Variants in ANKIB1 observed in about 807,000 individuals in gnomAD.
The protein encoded by ANKIB1 is ankyrin repeat and IBR domain containing 1, also known as ankyrin repeat and IBR domain-containing protein 1.
In ANKIB1, 43 loss-of-function variants were observed where a neutral mutation model predicts 122.1. The ratio of observed to expected loss-of-function variants is 0.35; its 90% confidence interval spans 0.28 to 0.45. The LOEUF (loss-of-function observed/expected upper bound fraction) is 0.45, where lower values mean the gene tolerates loss of function less well. Among genes scored for constraint, ANKIB1 ranks in the 20% least tolerant of loss-of-function variants. The probability of loss-of-function intolerance (pLI) is 1.00; values close to 1 mark genes in which losing one functional copy is unlikely to be tolerated. For synonymous variants in ANKIB1, 390 were observed against 442.0 expected (o/e 0.88, Z 1.48); for missense variants, 992 against 1,329.5 (o/e 0.75, Z 3.95).
intron 17 of ANKIB1, 124 bp from the exon 18 acceptor site, chr7:92,396,241 G>A: frequency 1.5e-6 from 1 of 648,622 alleles, no homozygotes; most frequent in Non-Finnish European, 2.7e-6. Context: ...TTTCAGCCAA[G>A]TGATTTTATA....
chr7:92,300,729 T>C (rs915872468), intron 2 of ANKIB1, among the ~76,000 whole-genome samples: 7 of 152,264 alleles, frequency 4.6e-5, no homozygotes, highest in East Asian at 1.9e-4. Context: ...ATTATACTTT[T>C]GTAGCAAATT....
chr7:92,346,394 G>A (rs1056568576), intron 7 of ANKIB1, among the ~76,000 whole-genome samples: 1 of 152,144 alleles, frequency 6.6e-6, no homozygotes, highest in Non-Finnish European at 1.5e-5. Context: ...GTCCCCCAAC[G>A]TGTCTGGTTT....
intron 1 of ANKIB1, among the ~76,000 whole-genome samples, chr7:92,249,701 C>G (rs772122242): frequency 1.3e-5 from 2 of 151,346 alleles, no homozygotes; most frequent in African/African-American, 2.4e-5. Flanking sequence ...GCCTGGGTGA[C>G]AGGGTGAGAC....
At chr7:92,355,255 C>CT (rs917080156) in intron 9 of ANKIB1, among the ~76,000 whole-genome samples, 4 of 121,640 alleles carry the variant, frequency 3.3e-5, no homozygotes, top group East Asian at 4.7e-4. Context: ...GACTTTTCCT[C>CT]TTTTTTTTTC....
At chr7:92,349,806 T>C (rs142476650) in intron 7 of ANKIB1, among the ~76,000 whole-genome samples, 1 of 152,262 alleles carries the variant, frequency 6.6e-6, no homozygotes, top group East Asian at 1.9e-4. Context: ...AAACTGAGGC[T>C]TAGAGCAGTT....
chr7:92,330,497 T>TC (rs1803146751), intron 5 of ANKIB1, among the ~76,000 whole-genome samples: 2 of 152,118 alleles, frequency 1.3e-5, no homozygotes, highest in African/African-American at 4.8e-5. Context: ...AGAAAAAAAT[T>TC]TAGACCTGAG....
chr7:92,350,688 C>G (rs550483100), intron 7 of ANKIB1, among the ~76,000 whole-genome samples: 3 of 152,174 alleles, frequency 2.0e-5, no homozygotes, highest in African/African-American at 7.2e-5. Flanking sequence ...CAAGACCCAT[C>G]GCTAGCAAAA....
intron 3 of ANKIB1, among the ~76,000 whole-genome samples, chr7:92,316,054 AAG>A (rs1239738782): frequency 1.3e-5 from 2 of 152,178 alleles, no homozygotes; most frequent in Admixed American, 6.5e-5. Flanking sequence ...TGTGAAGGGA[AAG>A]AAAGGCAGAA....
chr7:92,285,111 A>G (rs1257438396), intron 1 of ANKIB1, among the ~76,000 whole-genome samples: 1 of 152,134 alleles, frequency 6.6e-6, no homozygotes, highest in Non-Finnish European at 1.5e-5. Context: ...TCTGTTGCCC[A>G]GGCTGGAGTG....
rs1802322495 is a variant in ANKIB1 at position 92,294,892 on chromosome 7, G to C, written c.-87G>C. ...TGAATAACTTTTCCTTCATTAGAAT[G>C]TGAAAGATGTTGCAGAAGTGTTCCA... On this transcript the variant is annotated 5_prime_UTR_variant, in exon 2 of 20. The change abolishes an upstream ATG in the 5' untranslated region. Coordinates refer to ENST00000265742, the MANE Select transcript of ANKIB1 (RefSeq NM_019004.2). The C allele has an allele frequency of 2.2e-6, 2 of 902,536 alleles. No homozygotes were observed. Among genetic ancestry groups the C allele is most frequent in the South Asian group, 4.9e-5 (2 of 40,842 alleles). 55.9% of individuals were successfully genotyped at this position (902,536 alleles called of 1,614,324 possible). A position where few individuals can be genotyped will look rare whatever the true frequency, so the allele number is the denominator to read the frequency against.
chr7:92,321,655 T>C lies in ANKIB1; in HGVS notation c.669+2143T>C, dbSNP rs115895410. ...TTAGTGCTAACTTGATTCTAAAAGG[T>C]ATTATGTAACTACTGGTTTGTACAT... is the stretch of plus-strand genomic sequence containing the variant. On this transcript the variant is annotated intron_variant, in intron 4 of 19. Coordinates refer to ENST00000265742, the MANE Select transcript of ANKIB1 (RefSeq NM_019004.2). 9.7e-3 allele frequency among the ~76,000 whole-genome samples: 1,481 copies of C among 152,292 alleles called. 33 individuals carry two copies. Among genetic ancestry groups the C allele is most frequent in the African/African-American group, 0.034 (1,411 of 41,568 alleles).
chr7:92,268,926 A>G (rs181065570), intron 1 of ANKIB1, among the ~76,000 whole-genome samples: 82 of 152,346 alleles, frequency 5.4e-4, no homozygotes, highest in Non-Finnish European at 5.9e-5. Context: ...CTTCATTTTT[A>G]GAACAGCTTG....
intron 5 of ANKIB1, among the ~76,000 whole-genome samples, chr7:92,336,694 G>A (rs1174325960): frequency 6.6e-6 from 1 of 151,996 alleles, no homozygotes; most frequent in Non-Finnish European, 1.5e-5. Context: ...TCTAATCTCA[G>A]GTTCTTAAGC....
intron 18 of ANKIB1, among the ~76,000 whole-genome samples, 191 bp downstream of exon 18, chr7:92,396,667 G>A (rs1804900883): frequency 6.6e-6 from 1 of 152,170 alleles, no homozygotes; most frequent in Non-Finnish European, 1.5e-5. Flanking sequence ...GGCAAACTTG[G>A]ATTCATGACC....
chr7:92,275,411 G>A (rs1341509551), intron 1 of ANKIB1, among the ~76,000 whole-genome samples: 1 of 152,108 alleles, frequency 6.6e-6, no homozygotes, highest in African/African-American at 2.4e-5. Flanking sequence ...CCTGTGAGTT[G>A]GGGTGGTGCT....
At chr7:92,345,393 G>C (rs928839069) in intron 7 of ANKIB1, among the ~76,000 whole-genome samples, 11 of 152,158 alleles carry the variant, frequency 7.2e-5, no homozygotes, top group African/African-American at 2.6e-4. Flanking sequence ...TATATCCCAG[G>C]AATCTTAAGC....
chr7:92,362,140 T>C (rs1388166606), intron 9 of ANKIB1, 45 bp from the exon 10 acceptor site: 1 of 1,525,714 alleles, frequency 6.6e-7, no homozygotes, highest in Non-Finnish European at 8.9e-7. Flanking sequence ...TTGATGTTGA[T>C]GAAGAATATT....
intron 1 of ANKIB1, among the ~76,000 whole-genome samples, chr7:92,262,475 G>A (rs1260478931): frequency 1.3e-5 from 2 of 152,168 alleles, no homozygotes; most frequent in Non-Finnish European, 2.9e-5. Flanking sequence ...TGAATTATCT[G>A]TATAGCAGAA....
Position 92,396,396 on chromosome 7 carries a change from A to C in ANKIB1, c.2315A>C (p.His772Pro). 1 of 1,596,120 alleles carries C rather than the reference A, an allele frequency of 6.3e-7. No individual in the cohort carries two copies. The highest frequency in any genetic ancestry group is 1.1e-5 in the South Asian group (1 of 87,546). Residue 772 changes from histidine (H) to proline (P), a missense_variant, in exon 18 of 20, where the codon CAC becomes CCC. Transcript: ENST00000265742. The stretch of plus-strand genomic sequence containing the variant: ...GCTGAATTTCAGTATCGGAGGAGGC[A>C]CAGACAACGTCGTCGAGGAGATGTT... ...EYAEFQYRRR[H>P]RQRRRGDVHS...
Sources: gnomAD v4.1 joint callset for allele counts (sites outside exome capture counted in the v4.1 genomes callset) on GRCh38, gnomAD v4.1.1 for gene constraint, MANE v1.5 for transcripts, NCBI Gene and HGNC (gene_info 2026-07-23, HGNC 2026-07-21) for gene names.